Variants in RFWD3 observed in about 807,000 individuals in gnomAD.
RFWD3 encodes the protein ring finger and WD repeat domain 3, also known as E3 ubiquitin-protein ligase RFWD3.
Under a neutral mutation model 87.7 loss-of-function variants are expected in RFWD3, and 65 were observed. The observed-to-expected ratio is 0.74, with a 90% CI of 0.61 to 0.91. The LOEUF (loss-of-function observed/expected upper bound fraction) is 0.91, where lower values mean the gene tolerates loss of function less well. Among genes scored for constraint, RFWD3 ranks in the 40% least tolerant of loss-of-function variants. The pLI is 0.00. For synonymous variants in RFWD3, 433 were observed against 352.8 expected, an observed-to-expected ratio of 1.23 and a Z score of -2.55; for missense variants, 1,078 against 938.5, an observed-to-expected ratio of 1.15 and a Z score of -1.94.
chr16:74,644,638 G>A lies in RFWD3; in HGVS notation c.890C>T (p.Ala297Val), dbSNP rs1331576667. ...CTICLEQWTN[A>V]GDHRLSALRC... ...TAATGCTGAGAGCCGGTGGTCCCCA[G>A]CATTGGTCCACTGTTCCAGACATAT... Residue 297 changes from alanine (A) to valine (V), a missense_variant, in exon 5 of 13, where the codon GCT (alanine) becomes GTT (valine). Coordinates refer to ENST00000361070, the MANE Select transcript of RFWD3 (RefSeq NM_018124.4). The A allele has an allele frequency of 1.2e-6, 2 of 1,614,034 alleles. No homozygotes were observed. Among genetic ancestry groups the A allele is most frequent in the African/African-American group, 1.3e-5 (1 of 74,904 alleles).
chr16:74,656,248 G>T (rs2144308174), intron 2 of RFWD3, among the ~76,000 whole-genome samples: 2 of 140,132 alleles, frequency 1.4e-5, no homozygotes, highest in East Asian at 4.4e-4. Flanking sequence ...TGAGGCTGCA[G>T]TGAGCCATGA....
intron 9 of RFWD3, 28 bp from the exon 10 acceptor site, chr16:74,630,985 C>T (rs369018874): frequency 1.1e-4 from 172 of 1,579,140 alleles, no homozygotes; most frequent in Non-Finnish European, 1.4e-4. Flanking sequence ...ACTTTTACAA[C>T]TGCATTAAGA....
At chr16:74,639,285 G>T in intron 6 of RFWD3, among the ~76,000 whole-genome samples, 1 of 152,118 alleles carries the variant, frequency 6.6e-6, no homozygotes, top group East Asian at 1.9e-4. Context: ...TGATCCACCT[G>T]CCTCAGCCTC....
In RFWD3 at chr16:74,623,608, C is replaced by T; in HGVS notation, c.*320G>A. ...TCACATCCTAGATGATGAGAGGACA[C>T]TCTCTAAGGTCCAGAAAGTCACACA... On this transcript the variant is annotated 3_prime_UTR_variant, in exon 13 of 13. Transcript: ENST00000361070. The T allele has an allele frequency of 4.6e-6, 1 of 216,766 alleles. No homozygotes were observed. Among genetic ancestry groups the T allele is most frequent in the South Asian group, 8.2e-5 (1 of 12,158 alleles). 13.4% of individuals were successfully genotyped at this position (216,766 alleles called of 1,614,324 possible).
intron 4 of RFWD3, among the ~76,000 whole-genome samples, chr16:74,646,322 G>A (rs1960140171): frequency 6.6e-6 from 1 of 152,208 alleles, no homozygotes; most frequent in Non-Finnish European, 1.5e-5. Context: ...GCTGCAGTGA[G>A]CTATGATTGT....
Position 74,661,396 on chromosome 16 carries a change from T to C in RFWD3, c.54A>G (p.Glu18=). The part of the protein sequence containing the change: ...YDVQVQLNHA[E]QQPAPAGMAS... ...CCATGCCAGCAGGAGCTGGCTGTTG[T>C]TCGGCATGATTTAACTGCACCTGAA... is the stretch of plus-strand genomic sequence containing the variant. Residue 18 remains glutamate (E), a synonymous_variant, in exon 2 of 13, where the codon GAA becomes GAG. Coordinates refer to ENST00000361070, the MANE Select transcript of RFWD3 (RefSeq NM_018124.4). 6.2e-7 allele frequency: 1 copy of C among 1,614,024 alleles called. No homozygotes were observed. The highest frequency in any genetic ancestry group is 2.2e-5 in the East Asian group (1 of 44,886).
At chr16:74,651,816 G>T in intron 3 of RFWD3, 104 bp downstream of exon 3, 1 of 974,278 alleles carries the variant, frequency 1.0e-6, no homozygotes, top group Non-Finnish European at 1.6e-6. Context: ...ACATTTAGGG[G>T]AGAAAAGGGA....
chr16:74,632,793 C>T, intron 8 of RFWD3, 120 bp from the exon 9 acceptor site: 1 of 850,484 alleles, frequency 1.2e-6, no homozygotes, highest in East Asian at 2.7e-5. Context: ...TGGGAACCAG[C>T]TGGTCAAACA....
intron 1 of RFWD3, 100 bp from the exon 2 acceptor site, chr16:74,661,551 T>A (rs1961442857): frequency 1.8e-6 from 2 of 1,134,146 alleles, no homozygotes; most frequent in East Asian, 2.4e-5. Flanking sequence ...ATGTTTAATA[T>A]CATTCTTAGC....
intron 10 of RFWD3, 41 bp from the exon 11 acceptor site, chr16:74,628,707 C>G: frequency 6.3e-7 from 1 of 1,591,530 alleles, no homozygotes; most frequent in Non-Finnish European, 8.6e-7. Flanking sequence ...CACTCCAAAA[C>G]TCGGACGGCT....
intron 1 of RFWD3, among the ~76,000 whole-genome samples, chr16:74,665,702 G>C (rs988760934): frequency 6.6e-6 from 1 of 152,326 alleles, no homozygotes; most frequent in East Asian, 1.9e-4. Context: ...CGAGACTGCA[G>C]TGAGCTCTTC....
At chr16:74,649,535 T>C (rs1455069269) in intron 3 of RFWD3, among the ~76,000 whole-genome samples, 1 of 152,220 alleles carries the variant, frequency 6.6e-6, no homozygotes, top group Non-Finnish European at 1.5e-5. Flanking sequence ...TTGGAATACT[T>C]AACAAACCTT....
chr16:74,633,643 C>T (rs866585984), intron 8 of RFWD3, among the ~76,000 whole-genome samples: 3 of 152,060 alleles, frequency 2.0e-5, no homozygotes, highest in South Asian at 4.2e-4. Flanking sequence ...CATAGGGAAA[C>T]TTTTGCGGTA....
At chr16:74,633,548 A>C (rs1959166808) in intron 8 of RFWD3, among the ~76,000 whole-genome samples, 1 of 152,176 alleles carries the variant, frequency 6.6e-6, no homozygotes, top group South Asian at 2.1e-4. Context: ...AAAATTCTAG[A>C]AAATGCAAAC....
intron 6 of RFWD3, among the ~76,000 whole-genome samples, chr16:74,642,290 T>A (rs550625973): frequency 6.6e-6 from 1 of 151,912 alleles, no homozygotes; most frequent in Non-Finnish European, 1.5e-5. Flanking sequence ...ATCCGGATAA[T>A]TTTTTGTATT....
At chr16:74,657,101 C>T (rs1167733430) in intron 2 of RFWD3, among the ~76,000 whole-genome samples, 1 of 152,128 alleles carries the variant, frequency 6.6e-6, no homozygotes, top group Non-Finnish European at 1.5e-5. Flanking sequence ...AGTAGTCTTG[C>T]AAATGGGGTT....
At position 74,649,113 on chromosome 16, in the gene RFWD3, A is replaced by G. The variant is rs555525865; in HGVS notation, c.792+19T>C. 6.6e-7 allele frequency: 1 copy of G among 1,521,514 alleles called. No homozygotes were observed. Among genetic ancestry groups the G allele is most frequent in the African/African-American group, 1.4e-5 (1 of 70,684 alleles). The allele number at this position is 1,521,514 out of a possible 1,614,324, so 94.3% of individuals were successfully genotyped here. A position where few individuals can be genotyped will look rare whatever the true frequency, so the allele number is the denominator to read the frequency against. ...AATAAATAAATAAATAGATTTTTTT[A>G]AAATGATGTTCATATTACCTGTTTG... On this transcript the variant is annotated intron_variant, in intron 4 of 12. Transcript: ENST00000361070.
In RFWD3 at chr16:74,642,025, C is replaced by G. The variant is rs1466509530; in HGVS notation, c.1079+2337G>C. Among the ~76,000 whole-genome samples, 4 of 150,938 alleles carry G rather than the reference C, an allele frequency of 2.7e-5. No homozygotes were observed. The East Asian group carries it at 5.8e-4, about 22-fold the overall frequency. ...GTATAATTTACAAATACATATATAG[C>G]TAATCAAATACATAATAACTCTTGG... On this transcript the variant is annotated intron_variant, in intron 6 of 12. Transcript: ENST00000361070.
rs1959010032 is a variant in RFWD3 at position 74,628,788 on chromosome 16, T to C, written c.1755-122A>G. 5.5e-5 allele frequency: 40 copies of C among 720,954 alleles called. 2 individuals are homozygous for C. In the South Asian group the frequency reaches 6.2e-4, roughly 11 times the overall value. 44.7% of individuals were successfully genotyped at this position (720,954 alleles called of 1,614,324 possible). A position where few individuals can be genotyped will look rare whatever the true frequency, so the allele number is the denominator to read the frequency against. On this transcript the variant is annotated intron_variant, in intron 10 of 12. Transcript: ENST00000361070. ...GGAGGTTAAACGCCTTTAGTCACTATCCTCTGATATCTGATAAAAATTATC... is the reference window on the plus strand; with the variant it reads ...GGAGGTTAAACGCCTTTAGTCACTACCCTCTGATATCTGATAAAAATTATC...
Sources: allele counts gnomAD v4.1 joint callset (sites outside exome capture counted in the v4.1 genomes callset), GRCh38; gene constraint gnomAD v4.1.1; transcripts MANE v1.5; gene names NCBI Gene and HGNC (gene_info 2026-07-23, HGNC 2026-07-21).